TMEM165: variants seen among roughly 807,000 people sequenced by gnomAD.
TMEM165 encodes putative divalent cation/proton antiporter TMEM165.
Under a neutral mutation model 30.0 loss-of-function variants are expected in TMEM165, and 19 were observed. That is an observed-to-expected ratio of 0.63 (90% CI 0.44 to 0.93). The LOEUF (loss-of-function observed/expected upper bound fraction) is 0.93. Ranked by LOEUF, TMEM165 falls within the 40% of genes least tolerant of loss-of-function variation. TMEM165 has a pLI of 0.00. For missense variants in TMEM165, 340 were observed against 417.0 expected (o/e 0.82, Z 1.61); for synonymous variants, 168 against 162.9 (o/e 1.03, Z -0.24).
intron 1 of TMEM165, among the ~76,000 whole-genome samples, chr4:55,411,064 G>A (rs558966487): frequency 6.6e-6 from 1 of 151,780 alleles, no homozygotes; most frequent in Admixed American, 6.6e-5. Context: ...GAACCTGGGA[G>A]GTGGAGGTTG....
chr4:55,443,202 G>A (rs970290317), intron 3 of TMEM165, among the ~76,000 whole-genome samples: 16 of 152,042 alleles, frequency 1.1e-4, no homozygotes, highest in South Asian at 2.1e-4. Context: ...TCAGCCAGGC[G>A]CAGTGGCTCA....
At chr4:55,448,603 T>TGC (rs1228920045) in intron 3 of TMEM165, among the ~76,000 whole-genome samples, 15 of 27,946 alleles carry the variant, frequency 5.4e-4, no homozygotes, top group Middle Eastern at 0.019. Context: ...CACGCGCGCG[T>TGC]GTGTGTGTGT....
intron 3 of TMEM165, among the ~76,000 whole-genome samples, chr4:55,448,587 C>A (rs1335675916): frequency 1.3e-5 from 1 of 74,928 alleles, no homozygotes; most frequent in Non-Finnish European, 2.7e-5. Flanking sequence ...TATATGTGCG[C>A]GCGCGCACGC....
At chr4:55,404,303 C>A (rs560642019) in intron 1 of TMEM165, among the ~76,000 whole-genome samples, 35 of 152,242 alleles carry the variant, frequency 2.3e-4, no homozygotes, top group African/African-American at 7.9e-4. Context: ...GCGTGAGCCA[C>A]CATGCCCAGC....
intron 1 of TMEM165, among the ~76,000 whole-genome samples, chr4:55,402,333 T>A (rs1721032043): frequency 7.1e-6 from 1 of 141,818 alleles, no homozygotes; most frequent in Non-Finnish European, 1.5e-5. Flanking sequence ...TTAAAATACT[T>A]TAATGTTATC....
intron 2 of TMEM165, chr4:55,415,590 A>G (rs1721689100): frequency 2.0e-5 from 3 of 152,208 alleles, no homozygotes; most frequent in Admixed American, 2.0e-4. Flanking sequence ...GGACAGAGCT[A>G]GAAAATATAT....
intron 3 of TMEM165, chr4:55,442,359 A>C (rs1285789522): frequency 3.0e-6 from 4 of 1,339,380 alleles, no homozygotes; most frequent in Non-Finnish European, 4.3e-6. Context: ...AAATTTGATT[A>C]AGAAATCAAA....
chr4:55,404,160 C>T (rs544616241), intron 1 of TMEM165, among the ~76,000 whole-genome samples: 282 of 150,284 alleles, frequency 1.9e-3, no homozygotes, highest in African/African-American at 6.4e-3. Flanking sequence ...TACAGGTGTG[C>T]GCCACCACGC....
intron 3 of TMEM165, among the ~76,000 whole-genome samples, chr4:55,448,601 C>CGCGCGTGTGTGTGTGTGTGT (rs764071880): frequency 1.7e-5 from 2 of 116,980 alleles, no homozygotes; most frequent in Non-Finnish European, 3.6e-5. Flanking sequence ...CGCACGCGCG[C>CGCGCGTGTGTGTGTGTGTGT]GTGTGTGTGT....
rs761231095 is a variant in TMEM165 at position 55,443,707 on chromosome 4, A to C, written c.409-8532A>C. On this transcript the variant is annotated intron_variant, in intron 3 of 3. Transcript: ENST00000608091. Reference sequence around the variant, plus strand: ...ATTACCTGAGTTGATGTACTCTGTAAAGTCTGTTGTTGTATCATGTGCTGA... The same window carrying C: ...ATTACCTGAGTTGATGTACTCTGTACAGTCTGTTGTTGTATCATGTGCTGA... 3.7e-6 allele frequency: 6 copies of C among 1,614,004 alleles called. No homozygotes were observed. In the South Asian group the frequency reaches 6.6e-5, roughly 18 times the overall value.
At chr4:55,401,804 A>C (rs1721004302) in intron 1 of TMEM165, among the ~76,000 whole-genome samples, 1 of 150,106 alleles carries the variant, frequency 6.7e-6, no homozygotes, top group South Asian at 2.1e-4. Flanking sequence ...TGCTGTCATC[A>C]AAAAAATTCA....
chr4:55,411,109 T>G (rs1578235780), intron 1 of TMEM165, among the ~76,000 whole-genome samples: 1 of 148,222 alleles, frequency 6.7e-6, no homozygotes, highest in African/African-American at 2.5e-5. Flanking sequence ...CACTCCAGCC[T>G]GAGTGACAGA....
intron 3 of TMEM165, chr4:55,435,535 A>G: frequency 6.2e-7 from 1 of 1,614,046 alleles, no homozygotes; most frequent in East Asian, 2.2e-5. Context: ...TCTGTTGTAG[A>G]GGAAATGCAG....
intron 3 of TMEM165, chr4:55,434,989 C>T (rs944694645): frequency 3.4e-5 from 8 of 238,554 alleles, no homozygotes; most frequent in African/African-American, 4.5e-5. Flanking sequence ...GGACTGTCTT[C>T]ATGGCATCAC....
At chr4:55,452,980 C>T in exon 4 of TMEM165, 3 of 1,019,114 alleles carry the variant, frequency 2.9e-6, no homozygotes, top group Non-Finnish European at 4.4e-6. Context: ...AAATAGTTTT[C>T]CTATTAATTA....
At position 55,420,119 on chromosome 4, in the gene TMEM165, A is replaced by T. The variant is rs1245128575; in HGVS notation, c.792+2134A>T. Among the ~76,000 whole-genome samples, 156 of 46,710 alleles carry T rather than the reference A, an allele frequency of 3.3e-3. 3 individuals are homozygous for T. Among genetic ancestry groups the T allele is most frequent in the African/African-American group, 9.3e-3 (148 of 15,902 alleles). 30.6% of individuals were successfully genotyped at this position (46,710 alleles called of 152,430 possible). A position where few individuals can be genotyped will look rare whatever the true frequency, so the allele number is the denominator to read the frequency against. Reference sequence around the variant, plus strand: ...TTAAGAAAAAAAAATATATATATATATACATATATATTTATTTATTTATTT... The same window carrying T: ...TTAAGAAAAAAAAATATATATATATTTACATATATATTTATTTATTTATTT... On this transcript the variant is annotated intron_variant, in intron 4 of 5. Coordinates refer to ENST00000381334, the MANE Select transcript of TMEM165 (RefSeq NM_018475.5).
chr4:55,449,384 TA>T (rs1435992349), intron 3 of TMEM165: 1 of 1,604,404 alleles, frequency 6.2e-7, no homozygotes. Flanking sequence ...GAATATCCAC[TA>T]AAGAGCTTAC....
chr4:55,423,207 C>T (rs113192253), intron 4 of TMEM165: 3 of 152,346 alleles, frequency 2.0e-5, no homozygotes, highest in African/African-American at 7.2e-5. Context: ...GTGGCTGGCT[C>T]CACTCTGCTT....
chr4:55,424,024 C>G (rs1485033699), intron 4 of TMEM165: 5 of 153,480 alleles, frequency 3.3e-5, no homozygotes, highest in African/African-American at 7.2e-5. Context: ...CCCTCTCCCC[C>G]TAATCTGAGT....
Sources: allele counts gnomAD v4.1 joint callset (sites outside exome capture counted in the v4.1 genomes callset), GRCh38; gene constraint gnomAD v4.1.1; transcripts MANE v1.5; gene names NCBI Gene and HGNC (gene_info 2026-07-23, HGNC 2026-07-21).